Variants in OC90 observed in about 807,000 individuals in gnomAD.
OC90 encodes otoconin 90.
A neutral mutation model predicts 47.3 loss-of-function variants in OC90; 46 were observed. The observed-to-expected ratio is 0.97, with a 90% CI of 0.77 to 1.24. The LOEUF (loss-of-function observed/expected upper bound fraction) is 1.24. OC90 is among the 50% of genes most tolerant of loss of function. The pLI, the probability that OC90 is intolerant of heterozygous loss-of-function variation, is 0.00. For missense variants in OC90, 688 were observed against 583.9 expected, an observed-to-expected ratio of 1.18 and a Z score of -1.84; for synonymous variants, 271 against 219.5, an observed-to-expected ratio of 1.23 and a Z score of -2.07.
intron 6 of OC90, among the ~76,000 whole-genome samples, chr8:132,039,785 C>A (rs969669069): frequency 2.6e-5 from 4 of 152,132 alleles, no homozygotes; most frequent in African/African-American, 4.8e-5. Context: ...TTGCTCTTCT[C>A]CCATATATCT....
In OC90 at chr8:132,029,109, A is replaced by G. The variant is rs758297560; in HGVS notation, c.1102T>C (p.Trp368Arg). ...TGATCCACACACACCACCGGTGACC[A>G]AGGAAGCCTCTCAAGCAGGCAGCCC... ...RLGCLLERLP[W>R]SPVVCVDHTP... Residue 368 changes from tryptophan to arginine, a missense_variant, in exon 13 of 14, where the codon TGG (tryptophan) becomes CGG (arginine). Transcript: ENST00000254627. 6.2e-7 allele frequency: 1 copy of G among 1,613,814 alleles called. No homozygotes were observed.
chr8:132,051,831 C>G (rs1446265080), intron 2 of OC90, among the ~76,000 whole-genome samples: 1 of 152,180 alleles, frequency 6.6e-6, no homozygotes, highest in Non-Finnish European at 1.5e-5. Flanking sequence ...CAAGTTACAG[C>G]AAGACAGGCA....
At chr8:132,041,301 A>G (rs1001550150) in intron 5 of OC90, 145 bp from the exon 6 acceptor site, 1 of 655,776 alleles carries the variant, frequency 1.5e-6, no homozygotes. Context: ...AGTTTTGCAT[A>G]ACAGACATAA....
intron 1 of OC90, among the ~76,000 whole-genome samples, chr8:132,058,015 C>T (rs1487413379): frequency 6.6e-6 from 1 of 152,230 alleles, no homozygotes; most frequent in African/African-American, 2.4e-5. Flanking sequence ...GCGTAACTGT[C>T]ACAATTATCG....
chr8:132,049,995 T>G (rs1395996153), intron 2 of OC90: 1 of 373,672 alleles, frequency 2.7e-6, no homozygotes, highest in Admixed American at 2.6e-5. Context: ...AAAATATGAC[T>G]GCATTATAAG....
At position 132,031,963 on chromosome 8, in the gene OC90, A is replaced by G; in HGVS notation, c.949T>C (p.Ser317Pro). Residue 317 changes from serine (S) to proline (P), a missense_variant, in exon 12 of 14, where the codon TCC becomes CCC. Physicochemically the swap from Ser to Pro is moderately conservative, Grantham distance 74. Coordinates refer to ENST00000254627, the MANE Select transcript of OC90 (RefSeq NM_001080399.3). ...QLGEMLFCLT[S>P]RCPEEFESYG... ...GACTCAAATTCCTCCGGGCACCGGG[A>G]TGTCAGACAAAAGAGCATCTCTCCA... 6.2e-7 allele frequency: 1 copy of G among 1,613,996 alleles called. No individual in the cohort carries two copies. Among genetic ancestry groups the G allele is most frequent in the Non-Finnish European group, 8.5e-7 (1 of 1,179,858 alleles).
intron 6 of OC90, among the ~76,000 whole-genome samples, chr8:132,039,763 C>T (rs185460481): frequency 4.6e-5 from 7 of 152,250 alleles, no homozygotes; most frequent in Non-Finnish European, 8.8e-5. Flanking sequence ...CTGAGCTGTT[C>T]CTCTGTCTGC....
At chr8:132,051,431 T>G (rs1292751845) in intron 2 of OC90, among the ~76,000 whole-genome samples, 4 of 152,238 alleles carry the variant, frequency 2.6e-5, no homozygotes, top group African/African-American at 9.6e-5. Context: ...TTTGAAGCTT[T>G]GGCATTTATG....
chr8:132,055,018 C>G lies in OC90; in HGVS notation c.9G>C (p.Ala3=). 6.4e-7 allele frequency: 1 copy of G among 1,550,964 alleles called. No individual in the cohort carries two copies. The highest frequency in any genetic ancestry group is 8.7e-7 in the Non-Finnish European group (1 of 1,146,652). ...TCATCAGCACACTGGTGAGGAGAAA[C>G]GCAATCATAGCAGGAGAACAAAGGA... The part of the protein sequence containing the change: MI[A]FLLTSVLMIP... Residue 3 remains alanine, a synonymous_variant, in exon 2 of 14, where the codon GCG becomes GCC. Transcript: ENST00000254627.
At chr8:132,054,235 C>T (rs1823252752) in intron 2 of OC90, among the ~76,000 whole-genome samples, 1 of 152,190 alleles carries the variant, frequency 6.6e-6, no homozygotes, top group African/African-American at 2.4e-5. Flanking sequence ...ACACAGGACT[C>T]CTCCGGCTCC....
At chr8:132,055,225 T>C (rs908298151) in intron 1 of OC90, among the ~76,000 whole-genome samples, 152 bp from the exon 2 acceptor site, 4 of 151,734 alleles carry the variant, frequency 2.6e-5, no homozygotes, top group African/African-American at 9.7e-5. Context: ...TGCCACTAAC[T>C]GACAATGTGC....
At chr8:132,032,344 T>C (rs1055076997) in intron 11 of OC90, among the ~76,000 whole-genome samples, 6 of 152,134 alleles carry the variant, frequency 3.9e-5, no homozygotes, top group Non-Finnish European at 8.8e-5. Flanking sequence ...CAAGATGCTG[T>C]TTGGGGCCAC....
At chr8:132,036,286 C>G in intron 9 of OC90, 1 of 771,730 alleles carries the variant, frequency 1.3e-6, no homozygotes, top group East Asian at 2.4e-5. Context: ...GAAGTGGTCA[C>G]AGGACTGAGC....
In OC90 at chr8:132,048,674, C is replaced by T. The variant is rs990561543; in HGVS notation, c.47-2791G>A. On this transcript the variant is annotated intron_variant, in intron 2 of 13. Coordinates refer to ENST00000254627, the MANE Select transcript of OC90 (RefSeq NM_001080399.3). ...GAATGGACAGAATGACTGGGGTCCT[C>T]GTCCTTTTATCTGGAAAGTCTTAAG... Among the ~76,000 whole-genome samples, 23 of 151,668 alleles carry T rather than the reference C, an allele frequency of 1.5e-4. 1 individual carries two copies. The highest frequency in any genetic ancestry group is 2.4e-4 in the African/African-American group (10 of 40,926).
intron 12 of OC90, among the ~76,000 whole-genome samples, chr8:132,030,352 C>T (rs570702496): frequency 6.6e-6 from 1 of 152,276 alleles, no homozygotes; most frequent in East Asian, 1.9e-4. Context: ...GAGTTTTCTC[C>T]TGTTGGCCTC....
At chr8:132,049,595 C>T (rs1181023418) in intron 2 of OC90, among the ~76,000 whole-genome samples, 1 of 152,200 alleles carries the variant, frequency 6.6e-6, no homozygotes, top group Admixed American at 6.5e-5. Flanking sequence ...AAAAGTGTGT[C>T]TGCTTTAAAG....
chr8:132,028,966 T>C, intron 13 of OC90, 107 bp downstream of exon 13: 1 of 746,440 alleles, frequency 1.3e-6, no homozygotes, highest in Non-Finnish European at 2.4e-6. Flanking sequence ...AAGAAAAGAG[T>C]ATTAAGTCAC....
intron 13 of OC90, among the ~76,000 whole-genome samples, chr8:132,028,160 G>A (rs1044702959): frequency 3.3e-5 from 5 of 152,128 alleles, no homozygotes; most frequent in Non-Finnish European, 7.3e-5. Context: ...CCCCTTGACA[G>A]TGAATCTCCT....
At chr8:132,034,976 T>A in intron 9 of OC90, 142 bp from the exon 10 acceptor site, 1 of 619,002 alleles carries the variant, frequency 1.6e-6, no homozygotes, top group Non-Finnish European at 2.9e-6. Context: ...CCATGAGATT[T>A]CCTAAGAGAG....
Sources: gnomAD v4.1 joint callset for allele counts (sites outside exome capture counted in the v4.1 genomes callset) on GRCh38, gnomAD v4.1.1 for gene constraint, MANE v1.5 for transcripts, NCBI Gene and HGNC (gene_info 2026-07-23, HGNC 2026-07-21) for gene names.